The following C8orf34 variants were observed in gnomAD, a reference collection of about 807,000 sequenced individuals.
C8orf34 encodes uncharacterized protein C8orf34.
A neutral mutation model predicts 68.3 loss-of-function variants in C8orf34; 65 were observed. The observed-to-expected ratio is 0.95, with a 90% confidence interval of 0.78 to 1.17. The LOEUF is 1.17. Among genes scored for constraint, C8orf34 ranks in the 50% most tolerant of loss-of-function variants. The pLI is 0.00. For missense variants in C8orf34, 664 were observed against 655.4 expected (o/e 1.01, Z -0.14); for synonymous variants, 244 against 241.2 (o/e 1.01, Z -0.11).
At chr8:68,702,590 A>T (rs746261254) in intron 8 of C8orf34, among the ~76,000 whole-genome samples, 5 of 152,118 alleles carry the variant, frequency 3.3e-5, no homozygotes, top group Non-Finnish European at 7.4e-5. Flanking sequence ...TATGTGTATG[A>T]GTGTGTGTGC....
chr8:68,405,436 G>C (rs765852688), intron 1 of C8orf34, among the ~76,000 whole-genome samples: 21 of 152,232 alleles, frequency 1.4e-4, no homozygotes, highest in Non-Finnish European at 2.9e-4. Context: ...TGTGGACCAG[G>C]CTGACCATTG....
chr8:68,555,764 A>G (rs1299988574), intron 7 of C8orf34, among the ~76,000 whole-genome samples: 2 of 152,176 alleles, frequency 1.3e-5, no homozygotes, highest in African/African-American at 2.4e-5. Flanking sequence ...TGTTTTAGAA[A>G]TTTATTCATG....
intron 12 of C8orf34, among the ~76,000 whole-genome samples, chr8:68,810,451 CA>C (rs764033412): frequency 2.0e-5 from 3 of 152,190 alleles, no homozygotes; most frequent in Admixed American, 6.5e-5. Flanking sequence ...AGCTCTGGCT[CA>C]GGGAGCTCCT....
intron 7 of C8orf34, among the ~76,000 whole-genome samples, chr8:68,582,525 A>C (rs1817095450): frequency 1.3e-5 from 2 of 152,014 alleles, no homozygotes. Flanking sequence ...GGAGAAGTAG[A>C]ATTCTGGTTT....
chr8:68,680,573 C>T (rs189467485), intron 8 of C8orf34, among the ~76,000 whole-genome samples: 1 of 152,124 alleles, frequency 6.6e-6, no homozygotes, highest in East Asian at 1.9e-4. Flanking sequence ...AGATCACATG[C>T]TTCAAAAGGC....
chr8:68,508,857 A>T (rs555081130), intron 5 of C8orf34, among the ~76,000 whole-genome samples: 5 of 152,226 alleles, frequency 3.3e-5, no homozygotes, highest in South Asian at 4.1e-4. Context: ...ACAGGGTTTT[A>T]TTGGGTGAAA....
At chr8:68,776,475 G>A in intron 11 of C8orf34, 26 bp downstream of exon 11, 2 of 1,587,156 alleles carry the variant, frequency 1.3e-6, no homozygotes, top group Non-Finnish European at 1.7e-6. Context: ...GCTTTATAAT[G>A]TAGTCTGAAA....
chr8:68,743,868 G>T (rs1312089376), intron 10 of C8orf34, among the ~76,000 whole-genome samples: 1 of 152,230 alleles, frequency 6.6e-6, no homozygotes, highest in Non-Finnish European at 1.5e-5. Context: ...AGCTGGAACT[G>T]AGTGGAGCCC....
Position 68,532,972 on chromosome 8 carries a change from T to G in C8orf34, c.939-11T>G. The G allele has an allele frequency of 1.3e-6, 2 of 1,552,308 alleles. No homozygotes were observed. The highest frequency in any genetic ancestry group is 1.7e-6 in the Non-Finnish European group (2 of 1,143,166). On this transcript the variant is annotated splice_polypyrimidine_tract_variant and intron_variant, in intron 6 of 13. Transcript: ENST00000518698. Reference sequence around the variant, plus strand: ...TTATCACAGCTAATTAACATTTAAATATTTCTTCAGCTTAAAGATGGAGCC... The same window carrying G: ...TTATCACAGCTAATTAACATTTAAAGATTTCTTCAGCTTAAAGATGGAGCC...
chr8:68,426,518 CAAAA>C (rs753578060), intron 1 of C8orf34, among the ~76,000 whole-genome samples: 855 of 29,642 alleles, frequency 0.029, 10 homozygotes, highest in African/African-American at 0.077. Context: ...GACCTTGTCT[CAAAA>C]AAAAAAAAAA....
chr8:68,381,969 A>G lies in C8orf34; in HGVS notation c.327+50630A>G, dbSNP rs374303804. 1.3e-3 allele frequency among the ~76,000 whole-genome samples: 199 copies of G among 152,272 alleles called. 4 individuals are homozygous for G. The South Asian group carries it at 0.041, about 31-fold the overall frequency. On this transcript the variant is annotated intron_variant, in intron 1 of 13. Transcript: ENST00000518698. ...TTCCAGTCTTTTAATGCACATATAT[A>G]TTTGGTACTTAACAAAATTCAATCA...
intron 4 of C8orf34, among the ~76,000 whole-genome samples, chr8:68,476,154 C>T (rs1013228449): frequency 6.6e-6 from 1 of 152,140 alleles, no homozygotes; most frequent in Non-Finnish European, 1.5e-5. Context: ...TCATTCATTC[C>T]CACATTCATT....
intron 7 of C8orf34, among the ~76,000 whole-genome samples, chr8:68,582,492 T>C (rs114977135): frequency 0.022 from 3,315 of 152,178 alleles, 121 homozygotes; most frequent in African/African-American, 0.074. Flanking sequence ...GGAAAAGGCT[T>C]TCCAGTTTCT....
At chr8:68,760,311 A>C (rs895939915) in intron 10 of C8orf34, among the ~76,000 whole-genome samples, 1 of 152,276 alleles carries the variant, frequency 6.6e-6, no homozygotes, top group Non-Finnish European at 1.5e-5. Context: ...TAATTCTTTC[A>C]ATCGAAAGCA....
chr8:68,597,960 T>C (rs2130475051), intron 7 of C8orf34, among the ~76,000 whole-genome samples: 1 of 152,286 alleles, frequency 6.6e-6, no homozygotes, highest in Non-Finnish European at 1.5e-5. Context: ...ACCTTGTTTT[T>C]GATACTACAT....
intron 12 of C8orf34, among the ~76,000 whole-genome samples, chr8:68,810,898 G>A (rs546291346): frequency 4.6e-5 from 7 of 152,248 alleles, no homozygotes; most frequent in African/African-American, 1.4e-4. Flanking sequence ...CCATGCGTGC[G>A]CCTAGGAGAA....
intron 7 of C8orf34, among the ~76,000 whole-genome samples, chr8:68,617,357 T>C (rs1188204516): frequency 2.0e-5 from 3 of 152,232 alleles, no homozygotes; most frequent in Admixed American, 6.5e-5. Context: ...TGCTCGTTAG[T>C]TGATGCAGTT....
At chr8:68,376,722 G>T (rs902656908) in intron 1 of C8orf34, among the ~76,000 whole-genome samples, 30 of 151,198 alleles carry the variant, frequency 2.0e-4, no homozygotes, top group African/African-American at 6.6e-4. Context: ...CCAGTATGTT[G>T]TATGCCTTTT....
chr8:68,547,435 G>C (rs983560197), intron 7 of C8orf34, among the ~76,000 whole-genome samples: 1 of 151,640 alleles, frequency 6.6e-6, no homozygotes, highest in Admixed American at 6.6e-5. Flanking sequence ...GATTTCATTG[G>C]TAAATTCAAT....
Sources: gnomAD v4.1 joint callset for allele counts (sites outside exome capture counted in the v4.1 genomes callset) on GRCh38, gnomAD v4.1.1 for gene constraint, MANE v1.5 for transcripts, NCBI Gene and HGNC (gene_info 2026-07-23, HGNC 2026-07-21) for gene names.